The following ATRNL1 variants were observed in gnomAD, a reference collection of about 807,000 sequenced individuals.
The protein encoded by ATRNL1 is attractin-like protein 1.
ATRNL1 carries 95 observed loss-of-function variants against 182.7 expected under a neutral mutation model. The observed-to-expected ratio is 0.52, with a 90% CI of 0.44 to 0.62. ATRNL1 has a LOEUF of 0.62. Ranked by LOEUF, ATRNL1 falls within the 20% of genes least tolerant of loss-of-function variation. ATRNL1 has a pLI of 0.00. For synonymous variants in ATRNL1, 576 were observed against 568.3 expected (o/e 1.01, Z -0.19); for missense variants, 1,471 against 1,679.5 (o/e 0.88, Z 2.17).
chr10:115,230,125 GT>G (rs1217594671), intron 9 of ATRNL1, among the ~76,000 whole-genome samples: 20 of 152,184 alleles, frequency 1.3e-4, no homozygotes, highest in African/African-American at 4.8e-4. Flanking sequence ...TGCATAAATT[GT>G]TTATCATTGT....
At chr10:115,935,308 T>C (rs1318369252) in intron 28 of ATRNL1, among the ~76,000 whole-genome samples, 1 of 152,222 alleles carries the variant, frequency 6.6e-6, no homozygotes, top group Admixed American at 6.5e-5. Context: ...TATGTAGAGC[T>C]GAGGGTAATG....
intron 8 of ATRNL1, among the ~76,000 whole-genome samples, chr10:115,196,062 GA>G (rs1848347773): frequency 6.6e-6 from 1 of 152,072 alleles, no homozygotes; most frequent in Non-Finnish European, 1.5e-5. Flanking sequence ...TCAGGAGCCT[GA>G]GGTAGGGAGA....
chr10:115,183,464 T>G (rs1251557759), intron 8 of ATRNL1, among the ~76,000 whole-genome samples: 2 of 151,272 alleles, frequency 1.3e-5, no homozygotes, highest in Non-Finnish European at 3.0e-5. Context: ...GCTCATTTAA[T>G]CAAGAAACAA....
At chr10:115,206,227 G>C (rs1554893717) in intron 8 of ATRNL1, among the ~76,000 whole-genome samples, 1 of 152,020 alleles carries the variant, frequency 6.6e-6, no homozygotes, top group African/African-American at 2.4e-5. Flanking sequence ...TTCTGTAGCA[G>C]CTTTCAAGAT....
At chr10:115,914,286 G>A (rs1051043988) in intron 28 of ATRNL1, among the ~76,000 whole-genome samples, 1 of 152,152 alleles carries the variant, frequency 6.6e-6, no homozygotes, top group African/African-American at 2.4e-5. Flanking sequence ...ATAGTGGTGT[G>A]AAAATGACCT....
At chr10:115,260,794 T>C (rs1412578576) in intron 10 of ATRNL1, among the ~76,000 whole-genome samples, 1 of 151,996 alleles carries the variant, frequency 6.6e-6, no homozygotes, top group African/African-American at 2.4e-5. Flanking sequence ...GATTTGAAGA[T>C]AAAGTGAAGA....
chr10:115,319,996 T>A (rs1468203322), intron 18 of ATRNL1, among the ~76,000 whole-genome samples: 1 of 152,178 alleles, frequency 6.6e-6, no homozygotes, highest in Non-Finnish European at 1.5e-5. Context: ...GTCATTGATC[T>A]TTATATCTCG....
intron 19 of ATRNL1, among the ~76,000 whole-genome samples, chr10:115,373,505 T>C (rs1554948668): frequency 6.6e-6 from 1 of 152,032 alleles, no homozygotes; most frequent in African/African-American, 2.4e-5. Flanking sequence ...GGTTTTTATC[T>C]AACTTCTTTA....
chr10:115,385,652 T>C (rs1018208531), intron 19 of ATRNL1, among the ~76,000 whole-genome samples: 1 of 137,540 alleles, frequency 7.3e-6, no homozygotes, highest in Non-Finnish European at 1.7e-5. Flanking sequence ...GATGCAAATA[T>C]TTTTTCTCTG....
intron 27 of ATRNL1, among the ~76,000 whole-genome samples, chr10:115,812,374 T>G (rs782076470): frequency 6.6e-6 from 1 of 152,176 alleles, no homozygotes; most frequent in Admixed American, 6.6e-5. Context: ...CTCATACATA[T>G]TTCACACTTC....
rs182369297 is a variant in ATRNL1, at chr10:115,841,167, C to A, written c.3904-6710C>A. 1.7e-3 allele frequency among the ~76,000 whole-genome samples: 252 copies of A among 152,080 alleles called. 11 individuals are homozygous for A. In the South Asian group the frequency reaches 0.05, roughly 30 times the overall value. On this transcript the variant is annotated intron_variant, in intron 27 of 28. Coordinates refer to ENST00000355044, the MANE Select transcript of ATRNL1 (RefSeq NM_207303.4). ...AGTCATGTTATTAACCAACTCAGGG[C>A]AAAGCATGATTATATAATAGCTCAA...
chr10:115,214,784 A>G (rs567983483), intron 8 of ATRNL1, among the ~76,000 whole-genome samples: 3 of 152,168 alleles, frequency 2.0e-5, no homozygotes, highest in Non-Finnish European at 4.4e-5. Flanking sequence ...CATCCCTTGC[A>G]TATGATTGGT....
intron 27 of ATRNL1, among the ~76,000 whole-genome samples, chr10:115,803,261 G>C (rs1191770549): frequency 8.9e-6 from 1 of 111,834 alleles, no homozygotes; most frequent in African/African-American, 2.7e-5. Flanking sequence ...AGATTATTTT[G>C]GTTCAAATCC....
intron 20 of ATRNL1, among the ~76,000 whole-genome samples, chr10:115,425,736 C>T (rs1845854991): frequency 1.3e-5 from 2 of 151,698 alleles, no homozygotes; most frequent in South Asian, 2.1e-4. Context: ...AATTATTTAC[C>T]GGAGGAGATC....
chr10:115,328,263 A>G (rs1855023607), intron 18 of ATRNL1, among the ~76,000 whole-genome samples: 1 of 152,136 alleles, frequency 6.6e-6, no homozygotes, highest in Non-Finnish European at 1.5e-5. Context: ...CCATAAACGT[A>G]TTTATACATT....
chr10:115,167,956 G>T (rs1339807535), intron 7 of ATRNL1, among the ~76,000 whole-genome samples: 4 of 152,022 alleles, frequency 2.6e-5, no homozygotes, highest in Non-Finnish European at 5.9e-5. Context: ...ACTTCACAAA[G>T]AAACTTTGTA....
chr10:115,351,876 TATA>T (rs1554941482), intron 19 of ATRNL1, among the ~76,000 whole-genome samples: 2 of 152,168 alleles, frequency 1.3e-5, no homozygotes, highest in African/African-American at 2.4e-5. Context: ...CTTTGTAGAA[TATA>T]ATAAGTAGAA....
intron 28 of ATRNL1, among the ~76,000 whole-genome samples, chr10:115,911,368 A>AG (rs1952673150): frequency 6.6e-6 from 1 of 152,000 alleles, no homozygotes; most frequent in South Asian, 2.1e-4. Flanking sequence ...CCCAGGCTGG[A>AG]GGGCAATGGT....
At chr10:115,766,896 A>G (rs1193237390) in intron 27 of ATRNL1, among the ~76,000 whole-genome samples, 2 of 152,180 alleles carry the variant, frequency 1.3e-5, no homozygotes, top group Non-Finnish European at 1.5e-5. Flanking sequence ...CCTAATTACT[A>G]GTTGTGTTAC....
Sources: allele counts gnomAD v4.1 joint callset (sites outside exome capture counted in the v4.1 genomes callset), GRCh38; gene constraint gnomAD v4.1.1; transcripts MANE v1.5; gene names NCBI Gene and HGNC (gene_info 2026-07-23, HGNC 2026-07-21).